Variants in SH2D4B observed in about 807,000 individuals in gnomAD.
SH2D4B encodes the protein SH2 domain containing 4B.
A neutral mutation model predicts 61.5 loss-of-function variants in SH2D4B; 45 were observed. The observed-to-expected ratio is 0.73, with a 90% CI of 0.58 to 0.94. The LOEUF is 0.94. SH2D4B is among the 40% of genes least tolerant of loss of function. The probability of loss-of-function intolerance (pLI) is 0.00; values close to 1 mark genes in which losing one functional copy is unlikely to be tolerated. For synonymous variants in SH2D4B, 224 were observed against 220.4 expected (o/e 1.02, Z -0.14); for missense variants, 572 against 574.2 (o/e 1.00, Z 0.04).
chr10:80,607,363 T>G (rs1362572206), intron 5 of SH2D4B: 1 of 152,184 alleles, frequency 6.6e-6, no homozygotes, highest in Admixed American at 6.5e-5. Flanking sequence ...GAAAGACATC[T>G]GAGGTTACTG....
At chr10:80,614,738 C>A (rs1288457879) in intron 6 of SH2D4B, among the ~76,000 whole-genome samples, 3 of 152,222 alleles carry the variant, frequency 2.0e-5, no homozygotes, top group African/African-American at 7.2e-5. Context: ...GGGCCCTGCC[C>A]CTGCCAAGCC....
chr10:80,595,687 G>A (rs1842377773), intron 4 of SH2D4B, among the ~76,000 whole-genome samples: 1 of 152,200 alleles, frequency 6.6e-6, no homozygotes, highest in Admixed American at 6.5e-5. Context: ...TCAGATAAGA[G>A]TCAAATCTCA....
rs147612969 is a variant in SH2D4B at position 80,604,213 on chromosome 10, C to T, written c.860+418C>T. The stretch of plus-strand genomic sequence containing the variant: ...CACCAGGGCTTGCTGCCTGTCGGAG[C>T]CCCAGGCAAGCCAGTTTTTCTCCAA... On this transcript the variant is annotated intron_variant, in intron 5 of 7. Transcript: ENST00000646907. Among the ~76,000 whole-genome samples, 464 of 152,286 alleles carry T rather than the reference C, an allele frequency of 3.0e-3. 2 individuals are homozygous for T. The highest frequency in any genetic ancestry group is 0.011 in the African/African-American group (440 of 41,574).
intron 6 of SH2D4B, among the ~76,000 whole-genome samples, chr10:80,624,773 T>G (rs1019056707): frequency 6.6e-6 from 1 of 152,232 alleles, no homozygotes; most frequent in Non-Finnish European, 1.5e-5. Context: ...TCTGTTGTTC[T>G]AGGTGGTAAC....
In SH2D4B at chr10:80,538,512, C is replaced by G; in HGVS notation, c.181C>G (p.Arg61Gly). The G allele has an allele frequency of 7.2e-7, 1 of 1,389,484 alleles. No homozygotes were observed. The highest frequency in any genetic ancestry group is 9.4e-7 in the Non-Finnish European group (1 of 1,065,876). The allele number at this position is 1,389,484 out of a possible 1,614,324, so 86.1% of individuals were successfully genotyped here. ...GGGTCTCAGGCCTCCAAAGACCAAGCGAGGTACGTGGCTGGGAGTCACAGA... is the reference window on the plus strand; with the variant it reads ...GGGTCTCAGGCCTCCAAAGACCAAGGGAGGTACGTGGCTGGGAGTCACAGA... ...DEGLRPPKTKRAASDKHIQWL... is the reference protein window; with the variant it reads ...DEGLRPPKTKGAASDKHIQWL... Residue 61 changes from arginine to glycine, a missense_variant, in exon 1 of 8, where the codon CGA becomes GGA. Arg to Gly is a moderately radical substitution (Grantham distance 125). Coordinates refer to ENST00000646907, the MANE Select transcript of SH2D4B (RefSeq NM_001388272.1). The surrounding 1 kb of genome is among the most constrained non-coding windows in gnomAD (Gnocchi z 4.8).
chr10:80,564,170 A>G (rs1841939298), intron 1 of SH2D4B, among the ~76,000 whole-genome samples: 1 of 152,246 alleles, frequency 6.6e-6, no homozygotes, highest in African/African-American at 2.4e-5. Context: ...AAATTTATCA[A>G]CATTGCATCT....
At chr10:80,600,208 C>A (rs1338412878) in intron 4 of SH2D4B, among the ~76,000 whole-genome samples, 1 of 152,204 alleles carries the variant, frequency 6.6e-6, no homozygotes, top group African/African-American at 2.4e-5. Flanking sequence ...CATGCACTTT[C>A]ACATACAATT....
intron 1 of SH2D4B, among the ~76,000 whole-genome samples, chr10:80,545,606 C>T (rs1841666321): frequency 6.6e-6 from 1 of 152,040 alleles, no homozygotes; most frequent in Non-Finnish European, 1.5e-5. Context: ...CCATCTCTTC[C>T]ATTAGCCTAA....
chr10:80,639,790 A>G (rs1589366972), intron 7 of SH2D4B, among the ~76,000 whole-genome samples: 1 of 152,270 alleles, frequency 6.6e-6, no homozygotes, highest in Non-Finnish European at 1.5e-5. Context: ...TTTAAGGTTA[A>G]TATTGTTATG....
chr10:80,554,811 T>C lies in SH2D4B; in HGVS notation c.185-15343T>C, dbSNP rs933342397. ...GATCACAAGGTCAGGAGATCAAGAC[T>C]ATCCTGGCTAACACGGTGAAACCCC... On this transcript the variant is annotated intron_variant, in intron 1 of 7. Coordinates refer to ENST00000646907, the MANE Select transcript of SH2D4B (RefSeq NM_001388272.1). Among the ~76,000 whole-genome samples the C allele has an allele frequency of 6.6e-5, 10 of 151,994 alleles. No individual in the cohort carries two copies. In the South Asian group the frequency reaches 1.2e-3, roughly 19 times the overall value.
intron 3 of SH2D4B, among the ~76,000 whole-genome samples, chr10:80,578,448 C>T (rs1021514561): frequency 6.6e-6 from 1 of 151,984 alleles, no homozygotes; most frequent in Non-Finnish European, 1.5e-5. Context: ...CCATGAGCAA[C>T]CCTTAGTGCC....
intron 1 of SH2D4B, among the ~76,000 whole-genome samples, chr10:80,548,261 T>C (rs764483796): frequency 6.6e-6 from 1 of 152,178 alleles, no homozygotes; most frequent in Non-Finnish European, 1.5e-5. Context: ...GCCTCCTAGT[T>C]TCAAGCGATT....
In SH2D4B at chr10:80,644,346, G is replaced by A; in HGVS notation, c.*261G>A. 2.5e-6 allele frequency: 1 copy of A among 393,594 alleles called. No individual in the cohort carries two copies. The allele number at this position is 393,594 out of a possible 1,614,324, so 24.4% of individuals were successfully genotyped here. ...TGACCTTAGAAGACAAAGCCTGTTT[G>A]TCATGGCTGCCGTAAACCGAGCTCT... On this transcript the variant is annotated 3_prime_UTR_variant, in exon 8 of 8. Coordinates refer to ENST00000646907, the MANE Select transcript of SH2D4B (RefSeq NM_001388272.1).
intron 1 of SH2D4B, among the ~76,000 whole-genome samples, chr10:80,567,886 C>A (rs1418156172): frequency 1.3e-5 from 2 of 152,182 alleles, no homozygotes; most frequent in Admixed American, 6.5e-5. Flanking sequence ...AAGTCATGAA[C>A]AACCAAAGAT....
chr10:80,608,729 G>T (rs1257785807), intron 5 of SH2D4B, among the ~76,000 whole-genome samples: 3 of 152,018 alleles, frequency 2.0e-5, no homozygotes, highest in Non-Finnish European at 4.4e-5. Flanking sequence ...TCCATCCGTA[G>T]TTACCAACGT....
Position 80,571,554 on chromosome 10 carries a change from G to A in SH2D4B, c.471G>A (p.Glu157=). ...MEDRKAAKVL[E]ERIHEEFKRK... is the part of the protein sequence containing the mutation. ...ACCGCAAGGCTGCCAAAGTCCTGGA[G>A]GAACGCATCCACGAGGAATTCAAGG... The change falls in exon 3 of 8, where the codon GAG becomes GAA. Residue 157 remains glutamate (E), a synonymous_variant. Coordinates refer to ENST00000646907, the MANE Select transcript of SH2D4B (RefSeq NM_001388272.1). The A allele has an allele frequency of 6.2e-7, 1 of 1,614,000 alleles. No individual in the cohort carries two copies.
intron 6 of SH2D4B, among the ~76,000 whole-genome samples, chr10:80,619,689 A>G (rs182598872): frequency 1.3e-5 from 2 of 152,352 alleles, no homozygotes; most frequent in East Asian, 3.9e-4. Context: ...GCCAATAACT[A>G]TGGGTGATAC....
intron 1 of SH2D4B, among the ~76,000 whole-genome samples, chr10:80,555,921 T>A (rs1453547025): frequency 6.6e-6 from 1 of 152,158 alleles, no homozygotes; most frequent in Non-Finnish European, 1.5e-5. Flanking sequence ...TCTCCCTAGG[T>A]TATTTCTGGA....
chr10:80,634,777 T>C (rs1315452001), intron 7 of SH2D4B, among the ~76,000 whole-genome samples: 1 of 152,174 alleles, frequency 6.6e-6, no homozygotes, highest in Non-Finnish European at 1.5e-5. Flanking sequence ...ACCTGAGTGC[T>C]CCCTCCTGTT....
Sources: gnomAD v4.1 joint callset for allele counts (sites outside exome capture counted in the v4.1 genomes callset) on GRCh38, gnomAD v4.1.1 for gene constraint, Gnocchi (gnomAD v3.1) non-coding constraint, MANE v1.5 for transcripts, NCBI Gene and HGNC (gene_info 2026-07-23, HGNC 2026-07-21) for gene names.